KANK1: variants seen among roughly 807,000 people sequenced by gnomAD.
KANK1 encodes the protein KN motif and ankyrin repeat domains 1.
Under a neutral mutation model 106.2 loss-of-function variants are expected in KANK1, and 109 were observed. The observed-to-expected ratio is 1.03, with a 90% confidence interval of 0.88 to 1.20. The LOEUF (loss-of-function observed/expected upper bound fraction) is 1.20, where lower values mean the gene tolerates loss of function less well. Ranked by LOEUF, KANK1 falls within the 50% of genes most tolerant of loss-of-function variation. The pLI is 0.00. For missense variants in KANK1, 2,399 were observed against 1,710.7 expected (o/e 1.40, Z -7.10); for synonymous variants, 873 against 652.2 (o/e 1.34, Z -5.16).
At chr9:620,052 G>T (rs1563873752) in intron 1 of KANK1, among the ~76,000 whole-genome samples, 1 of 151,958 alleles carries the variant, frequency 6.6e-6, no homozygotes, top group South Asian at 2.1e-4. Context: ...CAGGAGAATC[G>T]CTTGAACCTC....
chr9:581,207 C>G (rs1358069163), intron 1 of KANK1, among the ~76,000 whole-genome samples: 2 of 152,232 alleles, frequency 1.3e-5, no homozygotes, highest in East Asian at 1.9e-4. Context: ...TCGGCCAGCC[C>G]AGAGAGGGGC....
intron 5 of KANK1, chr9:731,707 C>T (rs565054222): frequency 6.5e-6 from 1 of 154,146 alleles, no homozygotes; most frequent in African/African-American, 2.4e-5. Context: ...ATTGTAGGGC[C>T]TTTCACAATT....
At chr9:701,525 T>G (rs1822660948) in intron 2 of KANK1, among the ~76,000 whole-genome samples, 1 of 152,200 alleles carries the variant, frequency 6.6e-6, no homozygotes, top group Admixed American at 6.5e-5. Flanking sequence ...TAGATAATTC[T>G]TTGTTGGGGG....
chr9:623,102 C>T (rs1308367382), intron 1 of KANK1, among the ~76,000 whole-genome samples: 1 of 151,902 alleles, frequency 6.6e-6, no homozygotes, highest in Non-Finnish European at 1.5e-5. Flanking sequence ...AAGGAAACAA[C>T]CAACAAAATG....
intron 3 of KANK1, among the ~76,000 whole-genome samples, chr9:714,699 A>C (rs1348618638): frequency 2.0e-5 from 3 of 152,060 alleles, no homozygotes; most frequent in African/African-American, 7.2e-5. Flanking sequence ...TCTTTCTCGT[A>C]TTCATTGGGA....
intron 1 of KANK1, among the ~76,000 whole-genome samples, chr9:661,393 C>T (rs1008992504): frequency 6.6e-6 from 1 of 151,978 alleles, no homozygotes; most frequent in African/African-American, 2.4e-5. Context: ...TCTGTCCTTG[C>T]AATAGTTTGC....
Position 712,403 on chromosome 9 carries a change from G to A in KANK1, c.1637G>A (p.Ser546Asn), listed in dbSNP as rs1826397297. The change falls in exon 3 of 12, where the codon AGT becomes AAT. Residue 546 changes from serine to asparagine, a missense_variant. Physicochemically the swap from Ser to Asn is conservative, Grantham distance 46. Coordinates refer to ENST00000382297, the MANE Select transcript of KANK1 (RefSeq NM_015158.5). ...GTTGGGACCTCCGTGGAAACAAACA[G>A]TGTAGGCATCTCCTGCCAGCCTGAA... ...TCVGTSVETN[S>N]VGISCQPECK... The A allele has an allele frequency of 6.2e-7, 1 of 1,614,194 alleles. No homozygotes were observed. Among genetic ancestry groups the A allele is most frequent in the Non-Finnish European group, 8.5e-7 (1 of 1,180,042 alleles).
At chr9:585,331 G>C (rs1327426722) in intron 1 of KANK1, among the ~76,000 whole-genome samples, 1 of 152,156 alleles carries the variant, frequency 6.6e-6, no homozygotes, top group Non-Finnish European at 1.5e-5. Context: ...CGTTCACTTT[G>C]TCACAAAATC....
chr9:529,051 G>T (rs1048266439), intron 1 of KANK1, among the ~76,000 whole-genome samples: 1 of 152,036 alleles, frequency 6.6e-6, no homozygotes, highest in Non-Finnish European at 1.5e-5. Flanking sequence ...CTCCTGCCTT[G>T]GCCTCCCAGA....
chr9:671,339 T>A (rs1218890938), intron 1 of KANK1, among the ~76,000 whole-genome samples: 1 of 151,926 alleles, frequency 6.6e-6, no homozygotes, highest in Non-Finnish European at 1.5e-5. Flanking sequence ...AGTAATTCTG[T>A]GCAGTCTAGA....
intron 1 of KANK1, among the ~76,000 whole-genome samples, chr9:520,027 T>C (rs1034633918): frequency 6.6e-6 from 1 of 151,752 alleles, no homozygotes; most frequent in Non-Finnish European, 1.5e-5. Flanking sequence ...GACATACTTA[T>C]GGCAGAGGGT....
chr9:664,635 A>G lies in KANK1; in HGVS notation c.-83-12255A>G, dbSNP rs149024259. On this transcript the variant is annotated intron_variant, in intron 1 of 11. Transcript: ENST00000382297. ...TATTATGGATAGTGCTGCAATAAAC[A>G]TGCAAGTACAGATCTCTCTTCAATA... 1.2e-3 allele frequency among the ~76,000 whole-genome samples: 188 copies of G among 152,310 alleles called. 4 individuals carry two copies. The highest frequency in any genetic ancestry group is 4.3e-3 in the African/African-American group (178 of 41,552).
intron 6 of KANK1, 193 bp from the exon 7 acceptor site, chr9:734,555 A>G (rs563157207): frequency 5.0e-5 from 23 of 461,820 alleles, no homozygotes; most frequent in African/African-American, 4.0e-4. Context: ...AGTCCCAGCT[A>G]CTAGGGAGGC....
intron 3 of KANK1, among the ~76,000 whole-genome samples, chr9:499,088 G>A (rs543161219): frequency 7.3e-5 from 11 of 151,642 alleles, no homozygotes; most frequent in Admixed American, 4.6e-4. Flanking sequence ...TGAGGCAGGA[G>A]AATGGCATGA....
At position 711,872 on chromosome 9, in the gene KANK1, A is replaced by G. The variant is rs1826204388; in HGVS notation, c.1106A>G (p.Gln369Arg). The change falls in exon 3 of 12, where the codon CAA becomes CGA. Residue 369 changes from glutamine (Q) to arginine (R), a missense_variant. Physicochemically the swap from Gln to Arg is conservative, Grantham distance 43 (BLOSUM62 1). Coordinates refer to ENST00000382297, the MANE Select transcript of KANK1 (RefSeq NM_015158.5). ...ACGCAGAGGATAAAGGAGTTCCGGC[A>G]ACTTACAGCAGACATGCAAGCCCTG... ...QSTQRIKEFR[Q>R]LTADMQALEQ... 6.2e-7 allele frequency: 1 copy of G among 1,614,098 alleles called. No homozygotes were observed. The highest frequency in any genetic ancestry group is 1.7e-5 in the Admixed American group (1 of 60,002).
chr9:620,662 C>T (rs571053729), intron 1 of KANK1, among the ~76,000 whole-genome samples: 2 of 152,114 alleles, frequency 1.3e-5, no homozygotes, highest in East Asian at 3.9e-4. Flanking sequence ...GCCTTGGCTT[C>T]CCAGAGTGCT....
At chr9:604,600 C>T (rs572352209) in intron 1 of KANK1, among the ~76,000 whole-genome samples, 7 of 151,304 alleles carry the variant, frequency 4.6e-5, no homozygotes, top group African/African-American at 1.5e-4. Flanking sequence ...GAGAGACCAA[C>T]GCGGGCAGAT....
At position 646,944 on chromosome 9, in the gene KANK1, C is replaced by T. The variant is rs572683791; in HGVS notation, c.-83-29946C>T. Among the ~76,000 whole-genome samples the T allele has an allele frequency of 7.3e-5, 11 of 150,860 alleles. 1 individual carries two copies. The highest frequency in any genetic ancestry group is 2.2e-4 in the African/African-American group (9 of 40,222). ...AACTCCTGACCTGAAGTAATCCACC[C>T]GCCTCAGCCTCCCAAAGTATTGGGA... On this transcript the variant is annotated intron_variant, in intron 1 of 11. Transcript: ENST00000382297.
intron 1 of KANK1, among the ~76,000 whole-genome samples, chr9:592,723 G>C (rs1035664817): frequency 1.3e-5 from 2 of 151,898 alleles, no homozygotes; most frequent in African/African-American, 4.9e-5. Flanking sequence ...TGTGACTTGA[G>C]ATAGGAATTA....
Sources: allele counts gnomAD v4.1 joint callset (sites outside exome capture counted in the v4.1 genomes callset), GRCh38; gene constraint gnomAD v4.1.1; transcripts MANE v1.5; gene names NCBI Gene and HGNC (gene_info 2026-07-23, HGNC 2026-07-21).